The following FHIT variants were observed in gnomAD, a reference collection of about 807,000 sequenced individuals.
FHIT encodes the protein fragile histidine triad diadenosine triphosphatase.
In FHIT, 19 loss-of-function variants were observed where a neutral mutation model predicts 17.9. That is an observed-to-expected ratio of 1.06 (90% CI 0.74 to 1.56). The LOEUF (loss-of-function observed/expected upper bound fraction) is 1.56. Among genes scored for constraint, FHIT ranks in the 40% most tolerant of loss-of-function variants. The pLI, the probability that FHIT is intolerant of heterozygous loss-of-function variation, is 0.00. For synonymous variants in FHIT, 81 were observed against 69.7 expected (o/e 1.16, Z -0.81); for missense variants, 248 against 189.2 (o/e 1.31, Z -1.82).
intron 8 of FHIT, among the ~76,000 whole-genome samples, chr3:59,895,596 T>C (rs528516073): frequency 1.3e-5 from 2 of 152,294 alleles, no homozygotes; most frequent in Middle Eastern, 3.4e-3. Context: ...ATCCAGAACC[T>C]AACAATAAGT....
chr3:60,687,755 A>C (rs1035830940), intron 4 of FHIT, among the ~76,000 whole-genome samples: 1 of 152,114 alleles, frequency 6.6e-6, no homozygotes, highest in Admixed American at 6.6e-5. Flanking sequence ...AAGTGTATTA[A>C]AGTGTCATAC....
At chr3:60,649,880 C>G (rs1312189134) in intron 4 of FHIT, among the ~76,000 whole-genome samples, 3 of 152,146 alleles carry the variant, frequency 2.0e-5, no homozygotes, top group Non-Finnish European at 4.4e-5. Context: ...CTGGGCAAAG[C>G]AGACGTCAAC....
chr3:60,578,579 A>T (rs553455317), intron 4 of FHIT, among the ~76,000 whole-genome samples: 1 of 152,250 alleles, frequency 6.6e-6, no homozygotes, highest in African/African-American at 2.4e-5. Context: ...CATTTGCTAG[A>T]AATTAACCAA....
chr3:60,175,306 T>C (rs1701618600), intron 5 of FHIT, among the ~76,000 whole-genome samples: 1 of 152,150 alleles, frequency 6.6e-6, no homozygotes, highest in Non-Finnish European at 1.5e-5. Context: ...AAAACTAATG[T>C]GAGTGCCTAC....
At chr3:61,228,948 C>T (rs1286516471) in intron 1 of FHIT, among the ~76,000 whole-genome samples, 1 of 152,166 alleles carries the variant, frequency 6.6e-6, no homozygotes, top group East Asian at 1.9e-4. Context: ...GAAAGCCAGT[C>T]TTTTCTTACC....
At chr3:60,270,071 T>C (rs1706785864) in intron 5 of FHIT, among the ~76,000 whole-genome samples, 1 of 152,110 alleles carries the variant, frequency 6.6e-6, no homozygotes, top group Non-Finnish European at 1.5e-5. Context: ...AATCAGATTC[T>C]CAGTCCAGAG....
chr3:60,768,947 G>A (rs144727441), intron 4 of FHIT, among the ~76,000 whole-genome samples: 206 of 152,292 alleles, frequency 1.4e-3, no homozygotes, highest in African/African-American at 4.4e-3. Flanking sequence ...AGATGAAAAT[G>A]TATACTTCTT....
At chr3:59,940,811 T>A (rs937936909) in intron 7 of FHIT, among the ~76,000 whole-genome samples, 12 of 152,224 alleles carry the variant, frequency 7.9e-5, no homozygotes, top group African/African-American at 2.9e-4. Context: ...GCACCGCCCC[T>A]GGCACCATTA....
intron 8 of FHIT, among the ~76,000 whole-genome samples, chr3:59,869,729 G>T (rs1255037823): frequency 6.7e-6 from 1 of 150,340 alleles, no homozygotes; most frequent in African/African-American, 2.5e-5. Flanking sequence ...CTCATGATCT[G>T]CCCACCTCGG....
At chr3:60,191,674 G>A (rs527834352) in intron 5 of FHIT, among the ~76,000 whole-genome samples, 2 of 151,960 alleles carry the variant, frequency 1.3e-5, no homozygotes, top group Admixed American at 6.6e-5. Flanking sequence ...GGGAAAGTGA[G>A]GACATTGAAA....
At position 60,536,849 on chromosome 3, in the gene FHIT, A is replaced by G. The variant is rs2036000447; in HGVS notation, c.103+11T>C. On this transcript the variant is annotated intron_variant, in intron 5 of 9. Coordinates refer to ENST00000492590, the MANE Select transcript of FHIT (RefSeq NM_002012.4). ...TTATTTTCCCTCTCCAAAAAAAAAA[A>G]GAAAGGATACGTCCTGGTACCACAG... 6.4e-7 allele frequency: 1 copy of G among 1,573,750 alleles called. No individual in the cohort carries two copies. Among genetic ancestry groups the G allele is most frequent in the Non-Finnish European group, 8.6e-7 (1 of 1,167,414 alleles).
At chr3:59,927,463 TA>T (rs58083993) in intron 7 of FHIT, among the ~76,000 whole-genome samples, 19,732 of 130,178 alleles carry the variant, frequency 0.15, 1,483 homozygotes, top group Middle Eastern at 0.23. Flanking sequence ...AGCTATTACT[TA>T]AAAAAAAAAA....
intron 4 of FHIT, among the ~76,000 whole-genome samples, chr3:60,564,113 C>T (rs375288038): frequency 6.6e-6 from 1 of 152,072 alleles, no homozygotes; most frequent in Non-Finnish European, 1.5e-5. Flanking sequence ...GGTCCTTGAG[C>T]ATTCTGAAAA....
At chr3:60,918,417 T>C (rs142359350) in intron 3 of FHIT, among the ~76,000 whole-genome samples, 1 of 152,276 alleles carries the variant, frequency 6.6e-6, no homozygotes, top group East Asian at 1.9e-4. Flanking sequence ...TGTTATATAG[T>C]TTAGAGACAA....
At chr3:59,936,285 C>A (rs1706235792) in intron 7 of FHIT, among the ~76,000 whole-genome samples, 1 of 152,062 alleles carries the variant, frequency 6.6e-6, no homozygotes, top group African/African-American at 2.4e-5. Flanking sequence ...TTTATTTATA[C>A]ATCATATCAG....
chr3:60,371,103 C>A (rs1221567593), intron 5 of FHIT, among the ~76,000 whole-genome samples: 6 of 152,148 alleles, frequency 3.9e-5, no homozygotes, highest in African/African-American at 1.4e-4. Context: ...AGACAGAAGA[C>A]TCTGGTTTTT....
intron 7 of FHIT, among the ~76,000 whole-genome samples, chr3:59,951,620 C>G (rs147916073): frequency 5.9e-5 from 9 of 152,256 alleles, no homozygotes; most frequent in Middle Eastern, 3.4e-3. Context: ...TTGTGCCCCC[C>G]ACCCCACCAT....
At chr3:60,209,554 T>C (rs1317738394) in intron 5 of FHIT, among the ~76,000 whole-genome samples, 2 of 152,100 alleles carry the variant, frequency 1.3e-5, no homozygotes, top group Non-Finnish European at 2.9e-5. Context: ...GTTGAGCCAA[T>C]AGTAAAAATC....
chr3:59,944,258 G>A (rs191393155), intron 7 of FHIT, among the ~76,000 whole-genome samples: 26 of 152,228 alleles, frequency 1.7e-4, no homozygotes, highest in South Asian at 8.3e-4. Context: ...GGTACAATGC[G>A]TGTGTATAGT....
Sources: gnomAD v4.1 joint callset for allele counts (sites outside exome capture counted in the v4.1 genomes callset) on GRCh38, gnomAD v4.1.1 for gene constraint, MANE v1.5 for transcripts, NCBI Gene and HGNC (gene_info 2026-07-23, HGNC 2026-07-21) for gene names.